KSR2: variants seen among roughly 807,000 people sequenced by gnomAD.
The protein encoded by KSR2 is kinase suppressor of ras 2.
KSR2 carries 25 observed loss-of-function variants against 107.8 expected under a neutral mutation model. The ratio of observed to expected loss-of-function variants is 0.23; its 90% CI spans 0.17 to 0.32. The LOEUF is 0.32. Ranked by LOEUF, KSR2 falls within the 10% of genes least tolerant of loss-of-function variation. The pLI, the probability that KSR2 is intolerant of heterozygous loss-of-function variation, is 1.00. For synonymous variants in KSR2, 480 were observed against 507.0 expected (o/e 0.95, Z 0.71); for missense variants, 887 against 1,268.9 (o/e 0.70, Z 4.57).
intron 1 of KSR2, among the ~76,000 whole-genome samples, chr12:117,948,167 G>A (rs1896255948): frequency 6.6e-6 from 1 of 152,026 alleles, no homozygotes; most frequent in Non-Finnish European, 1.5e-5. Flanking sequence ...AATTACAATA[G>A]GCCAGGCACA....
At chr12:117,541,388 TG>T (rs1384087650) in intron 9 of KSR2, among the ~76,000 whole-genome samples, 1 of 152,204 alleles carries the variant, frequency 6.6e-6, no homozygotes, top group Non-Finnish European at 1.5e-5. Flanking sequence ...CATGTTCTCC[TG>T]GAAAGGGACA....
intron 3 of KSR2, among the ~76,000 whole-genome samples, chr12:117,805,998 A>G (rs1890994228): frequency 6.6e-6 from 1 of 152,122 alleles, no homozygotes; most frequent in Non-Finnish European, 1.5e-5. Context: ...AGAAACAAGA[A>G]AAAAAGAAAG....
At chr12:117,918,359 T>C (rs778736075) in intron 1 of KSR2, among the ~76,000 whole-genome samples, 5 of 152,168 alleles carry the variant, frequency 3.3e-5, no homozygotes, top group Admixed American at 2.0e-4. Flanking sequence ...CTTGTGACAA[T>C]ATGGCCCCAG....
intron 3 of KSR2, among the ~76,000 whole-genome samples, chr12:117,828,624 G>A (rs2723284): frequency 0.24 from 36,709 of 152,074 alleles, 4,688 homozygotes; most frequent in East Asian, 0.33. Flanking sequence ...CTGCCCTTGC[G>A]GCCAGGCTGT....
At chr12:117,539,692 C>A (rs771927893) in intron 10 of KSR2, 27 bp downstream of exon 10, 1 of 1,586,116 alleles carries the variant, frequency 6.3e-7, no homozygotes. Flanking sequence ...CGCTGCACCC[C>A]TCATGTCTCC....
chr12:117,951,128 T>TA (rs1566096667), intron 1 of KSR2, among the ~76,000 whole-genome samples: 2 of 152,096 alleles, frequency 1.3e-5, no homozygotes, highest in Non-Finnish European at 1.5e-5. Flanking sequence ...CAGGATGGTC[T>TA]CGATCTCCTG....
intron 1 of KSR2, among the ~76,000 whole-genome samples, chr12:117,959,502 G>A (rs961906568): frequency 6.6e-6 from 1 of 152,108 alleles, no homozygotes; most frequent in African/African-American, 2.4e-5. Context: ...GTCATTGAGG[G>A]CTTGGACTTC....
chr12:117,726,110 G>A (rs1887414187), intron 4 of KSR2, among the ~76,000 whole-genome samples: 2 of 152,090 alleles, frequency 1.3e-5, no homozygotes, highest in Admixed American at 6.5e-5. Flanking sequence ...GGAGGTTGCC[G>A]TGAGCCCAGA....
At chr12:117,927,372 T>C (rs953584008) in intron 1 of KSR2, among the ~76,000 whole-genome samples, 1 of 143,278 alleles carries the variant, frequency 7.0e-6, no homozygotes, top group Non-Finnish European at 1.5e-5. Context: ...CAAGACTCTG[T>C]CTCAAAAAAT....
In KSR2 at chr12:117,947,806, G is replaced by A. The variant is rs181550665; in HGVS notation, c.180+20270C>T. Among the ~76,000 whole-genome samples, 16 of 152,078 alleles carry A rather than the reference G, an allele frequency of 1.1e-4. No individual in the cohort carries two copies. The East Asian group carries it at 3.1e-3, about 29-fold the overall frequency. On this transcript the variant is annotated intron_variant, in intron 1 of 19. Coordinates refer to ENST00000339824, the MANE Select transcript of KSR2 (RefSeq NM_173598.6). Reference sequence around the variant, plus strand: ...AAAAATATCAAATACTTGAGCGTAAGTCTAACAAAACATATTAAGAATCTA... The same window carrying A: ...AAAAATATCAAATACTTGAGCGTAAATCTAACAAAACATATTAAGAATCTA...
At chr12:117,484,346 T>C (rs963460843) in intron 16 of KSR2, 70 bp downstream of exon 16, 12 of 1,572,672 alleles carry the variant, frequency 7.6e-6, no homozygotes, top group African/African-American at 1.3e-5. Context: ...CTAAAGCCAT[T>C]TGGACTAACT....
At chr12:117,585,064 G>A (rs936792551) in intron 5 of KSR2, among the ~76,000 whole-genome samples, 1 of 152,208 alleles carries the variant, frequency 6.6e-6, no homozygotes, top group Non-Finnish European at 1.5e-5. Context: ...GTCTGTGTGT[G>A]TGTGTGCGTG....
At chr12:117,663,784 A>G (rs1884535609) in intron 5 of KSR2, among the ~76,000 whole-genome samples, 1 of 152,154 alleles carries the variant, frequency 6.6e-6, no homozygotes, top group African/African-American at 2.4e-5. Flanking sequence ...GCCTTTCTTT[A>G]GGGGATTTAA....
At chr12:117,711,947 C>T (rs1317978110) in intron 4 of KSR2, among the ~76,000 whole-genome samples, 1 of 152,202 alleles carries the variant, frequency 6.6e-6, no homozygotes, top group Non-Finnish European at 1.5e-5. Flanking sequence ...TCTCCCTTGG[C>T]TGTCCTGCAT....
intron 5 of KSR2, among the ~76,000 whole-genome samples, chr12:117,640,213 G>T (rs1480636013): frequency 6.6e-6 from 1 of 150,894 alleles, no homozygotes; most frequent in Non-Finnish European, 1.5e-5. Context: ...GGAAGCAGAT[G>T]GGGGGTTCCA....
chr12:117,484,552 G>A lies in KSR2; in HGVS notation c.2317-3C>T. On this transcript the variant is annotated splice_polypyrimidine_tract_variant and splice_region_variant and intron_variant, in intron 15 of 19. Coordinates refer to ENST00000339824, the MANE Select transcript of KSR2 (RefSeq NM_173598.6). ...TTGGCGTGGAGGTAGCCCATGCCCTGCAAGAAGCAAGGAACAGAGAGTTGC... is the reference window on the plus strand; with the variant it reads ...TTGGCGTGGAGGTAGCCCATGCCCTACAAGAAGCAAGGAACAGAGAGTTGC... The A allele has an allele frequency of 1.2e-6, 2 of 1,613,488 alleles. No homozygotes were observed. The highest frequency in any genetic ancestry group is 3.3e-5 in the Admixed American group (2 of 59,974).
intron 4 of KSR2, among the ~76,000 whole-genome samples, chr12:117,722,844 C>G (rs1887268874): frequency 6.6e-6 from 1 of 152,158 alleles, no homozygotes; most frequent in South Asian, 2.1e-4. Flanking sequence ...GACCCCTTTC[C>G]TGTAACAAGG....
intron 5 of KSR2, among the ~76,000 whole-genome samples, chr12:117,645,684 G>A (rs1883585525): frequency 6.6e-6 from 1 of 152,166 alleles, no homozygotes. Context: ...GGGCTGTGAT[G>A]GAACAGTGTG....
chr12:117,524,863 G>A lies in KSR2; in HGVS notation c.2208C>T (p.Ala736=), dbSNP rs1185022061. ...CAGGTGGAACTGACCTGGTGATGATGGCCAGGTGAGGCGGGCTCATGCAGG... is the reference window on the plus strand; with the variant it reads ...CAGGTGGAACTGACCTGGTGATGATAGCCAGGTGAGGCGGGCTCATGCAGG... ...MGACMSPPHL[A]IITSLCKGRT... The change falls in exon 14 of 20, where the codon GCC becomes GCT. Residue 736 remains alanine (A), a synonymous_variant. Coordinates refer to ENST00000339824, the MANE Select transcript of KSR2 (RefSeq NM_173598.6). 3 of 1,609,506 alleles carry A rather than the reference G, an allele frequency of 1.9e-6. No homozygotes were observed. Among genetic ancestry groups the A allele is most frequent in the African/African-American group, 2.7e-5 (2 of 74,866 alleles).
Sources: allele counts gnomAD v4.1 joint callset (sites outside exome capture counted in the v4.1 genomes callset), GRCh38; gene constraint gnomAD v4.1.1; transcripts MANE v1.5; gene names NCBI Gene and HGNC (gene_info 2026-07-23, HGNC 2026-07-21).